Variants in ZFHX3 observed in about 807,000 individuals in gnomAD.
The protein encoded by ZFHX3 is zinc finger homeobox 3, also known as zinc finger homeobox protein 3.
In ZFHX3, 42 loss-of-function variants were observed where a neutral mutation model predicts 279.1. The ratio of observed to expected loss-of-function variants is 0.15; its 90% CI spans 0.12 to 0.19. The LOEUF (loss-of-function observed/expected upper bound fraction) is 0.19. Among genes scored for constraint, ZFHX3 ranks in the 10% least tolerant of loss-of-function variants. The probability of loss-of-function intolerance (pLI) is 1.00; values close to 1 mark genes in which losing one functional copy is unlikely to be tolerated. For synonymous variants in ZFHX3, 2,293 were observed against 1,957.8 expected (o/e 1.17, Z -4.52); for missense variants, 4,981 against 4,754.0 (o/e 1.05, Z -1.40).
rs1961496953 is a variant in ZFHX3, at chr16:72,960,028, C to G, written c.118G>C (p.Glu40Gln). 6.2e-7 allele frequency: 1 copy of G among 1,614,014 alleles called. No homozygotes were observed. Among genetic ancestry groups the G allele is most frequent in the South Asian group, 1.1e-5 (1 of 91,070 alleles). The change falls in exon 2 of 10, where the codon GAG (glutamate) becomes CAG (glutamine). Residue 40 changes from glutamate to glutamine, a missense_variant. By Grantham distance (29) the Glu-to-Gln change is conservative (BLOSUM62 2). Around this residue, in one of 7 missense-constraint regions of ZFHX3, gnomAD observed 1,068 missense variants for 935.2 expected, o/e 1.14. Coordinates refer to ENST00000268489, the MANE Select transcript of ZFHX3 (RefSeq NM_006885.4). ...CCGTGGCTCTCGCCTGTGGACTGCT[C>G]CATGCTACTGGGTTTGTCAGGGAGG... is the stretch of plus-strand genomic sequence containing the variant. ...THLPDKPSSMEQSTGESHGPL... is the reference protein window; with the variant it reads ...THLPDKPSSMQQSTGESHGPL...
chr16:73,773,981 A>T (rs2054048903), intron 1 of ZFHX3, among the ~76,000 whole-genome samples: 1 of 152,112 alleles, frequency 6.6e-6, no homozygotes. Flanking sequence ...CTACAAAAAC[A>T]TAAAAAATTA....
At chr16:72,851,878 T>G (rs969382721) in intron 4 of ZFHX3, among the ~76,000 whole-genome samples, 2 of 152,168 alleles carry the variant, frequency 1.3e-5, no homozygotes, top group Non-Finnish European at 2.9e-5. Context: ...GCTGTAATAA[T>G]AAGGCATGCT....
intron 3 of ZFHX3, among the ~76,000 whole-genome samples, chr16:73,439,484 C>T (rs1838767818): frequency 6.6e-6 from 1 of 152,018 alleles, no homozygotes; most frequent in Non-Finnish European, 1.5e-5. Context: ...CAAAGAACAA[C>T]TAAATGCAAA....
chr16:73,553,895 A>G (rs556906626), intron 2 of ZFHX3, among the ~76,000 whole-genome samples: 1 of 152,306 alleles, frequency 6.6e-6, no homozygotes, highest in Admixed American at 6.5e-5. Context: ...TCATCTGATC[A>G]CTGAAATGCT....
rs1005694594 is a variant in ZFHX3, at chr16:73,749,168, G to A, written c.-1607-68928C>T. 3.3e-5 allele frequency among the ~76,000 whole-genome samples: 5 copies of A among 152,120 alleles called. No individual in the cohort carries two copies. In the South Asian group the frequency reaches 1.0e-3, roughly 32 times the overall value. On this transcript the variant is annotated intron_variant, in intron 1 of 17. Coordinates refer to the ZFHX3 transcript ENST00000641206. ...CGCCATATTGGACCACTTCCCACAT[G>A]CACTTTGTATTTTTACCTGGCCATG...
In ZFHX3 at chr16:73,310,891, T is replaced by G. The variant is rs1252198135; in HGVS notation, c.-1194+7349A>C. Among the ~76,000 whole-genome samples the G allele has an allele frequency of 2.0e-5, 3 of 151,808 alleles. No homozygotes were observed. The East Asian group carries it at 5.8e-4, about 29-fold the overall frequency. The stretch of plus-strand genomic sequence containing the variant: ...AAAAAGAATCAAAGCTGTGTATACA[T>G]GCAATCCCAATTTTGTAACAACAAA... On this transcript the variant is annotated intron_variant, in intron 4 of 17. Transcript: ENST00000641206.
chr16:73,674,709 G>A lies in ZFHX3; in HGVS notation c.-1547+5471C>T, dbSNP rs1264501534. Among the ~76,000 whole-genome samples, 5 of 152,144 alleles carry A rather than the reference G, an allele frequency of 3.3e-5. No individual in the cohort carries two copies. The East Asian group carries it at 9.6e-4, about 29-fold the overall frequency. On this transcript the variant is annotated intron_variant, in intron 2 of 17. Coordinates refer to the ZFHX3 transcript ENST00000641206. ...TTAACTAATGGAATCTAAGCCAAGT[G>A]ACTAAATCAGTCTCGAAAAGTGCTT...
intron 8 of ZFHX3, chr16:73,083,172 C>T (rs1156261999): frequency 6.6e-6 from 1 of 152,566 alleles, no homozygotes; most frequent in Non-Finnish European, 1.5e-5. Flanking sequence ...CATTGCACTC[C>T]AGCCTGGGCA....
At chr16:73,389,992 G>A (rs1253111402) in intron 3 of ZFHX3, among the ~76,000 whole-genome samples, 7 of 152,116 alleles carry the variant, frequency 4.6e-5, no homozygotes, top group South Asian at 2.1e-4. Flanking sequence ...CTTGGGAGGC[G>A]GATGTTGCAG....
At chr16:73,533,478 A>C (rs2019842994) in intron 2 of ZFHX3, among the ~76,000 whole-genome samples, 6 of 150,510 alleles carry the variant, frequency 4.0e-5, no homozygotes, top group Admixed American at 3.3e-4. Context: ...TCTCTCTCCT[A>C]CGGGTCATTA....
chr16:73,032,618 C>T (rs1964746041), intron 1 of ZFHX3, among the ~76,000 whole-genome samples: 3 of 152,074 alleles, frequency 2.0e-5, no homozygotes, highest in Admixed American at 2.0e-4. Flanking sequence ...TGCTCTTCAA[C>T]TTTCAGTCCT....
At chr16:73,658,695 A>C (rs2052748915) in intron 2 of ZFHX3, among the ~76,000 whole-genome samples, 1 of 152,206 alleles carries the variant, frequency 6.6e-6, no homozygotes, top group Non-Finnish European at 1.5e-5. Flanking sequence ...AATAATACCA[A>C]GTCTTCTGTA....
intron 4 of ZFHX3, among the ~76,000 whole-genome samples, chr16:73,294,932 G>C (rs991058295): frequency 6.6e-6 from 1 of 151,992 alleles, no homozygotes; most frequent in Non-Finnish European, 1.5e-5. Context: ...CCACAGCCAC[G>C]GCTGGGCGCG....
At chr16:73,621,101 G>C (rs1407939114) in intron 2 of ZFHX3, among the ~76,000 whole-genome samples, 1 of 152,228 alleles carries the variant, frequency 6.6e-6, no homozygotes, top group African/African-American at 2.4e-5. Flanking sequence ...TACTGAGGAA[G>C]AGGTCTTGGG....
At chr16:73,389,981 A>T (rs2016979238) in intron 3 of ZFHX3, among the ~76,000 whole-genome samples, 1 of 152,184 alleles carries the variant, frequency 6.6e-6, no homozygotes, top group African/African-American at 2.4e-5. Context: ...AATCACTTGA[A>T]CTTGGGAGGC....
chr16:73,312,205 G>A (rs1369356448), intron 4 of ZFHX3, among the ~76,000 whole-genome samples: 1 of 152,124 alleles, frequency 6.6e-6, no homozygotes, highest in Non-Finnish European at 1.5e-5. Flanking sequence ...GGATGAAGGA[G>A]GTTGGGATGT....
At chr16:73,654,489 C>G (rs967105498) in intron 2 of ZFHX3, among the ~76,000 whole-genome samples, 1 of 152,004 alleles carries the variant, frequency 6.6e-6, no homozygotes, top group Non-Finnish European at 1.5e-5. Context: ...ACCTTGATAC[C>G]AACCCCTAAT....
At chr16:73,592,580 C>T (rs1285543001) in intron 2 of ZFHX3, among the ~76,000 whole-genome samples, 16 of 151,956 alleles carry the variant, frequency 1.1e-4, no homozygotes, top group Admixed American at 6.6e-4. Context: ...TGGCCTTATA[C>T]CCTGAAAATA....
chr16:73,240,023 G>T (rs1346501993), intron 5 of ZFHX3, among the ~76,000 whole-genome samples: 3 of 102,592 alleles, frequency 2.9e-5, no homozygotes, highest in African/African-American at 1.2e-4. Flanking sequence ...ACCTTATTTT[G>T]TGTGTGTGTG....
Sources: gnomAD v4.1 joint callset for allele counts (sites outside exome capture counted in the v4.1 genomes callset) on GRCh38, gnomAD v4.1.1 for gene constraint, gnomAD v4.1.1 regional missense constraint, MANE v1.5 for transcripts, NCBI Gene and HGNC (gene_info 2026-07-23, HGNC 2026-07-21) for gene names.